The following DHRS4L2 variants were observed in gnomAD, a reference collection of about 807,000 sequenced individuals.
DHRS4L2 encodes dehydrogenase/reductase 4 like 2.
DHRS4L2 carries 22 observed loss-of-function variants against 23.9 expected under a neutral mutation model. The ratio of observed to expected loss-of-function variants is 0.92; its 90% confidence interval spans 0.66 to 1.31. The LOEUF is 1.31. Ranked by LOEUF, DHRS4L2 falls within the 40% of genes most tolerant of loss-of-function variation. DHRS4L2 has a pLI of 0.00. For missense variants in DHRS4L2, 385 were observed against 303.3 expected (o/e 1.27, Z -2.00); for synonymous variants, 141 against 123.7 (o/e 1.14, Z -0.93).
intron 1 of DHRS4L2, among the ~76,000 whole-genome samples, chr14:23,973,375 C>G (rs769344634): frequency 6.6e-6 from 1 of 151,916 alleles, no homozygotes; most frequent in Non-Finnish European, 1.5e-5. Context: ...TCCCTCCACA[C>G]CTCCCTGCAA....
chr14:23,985,282 A>G (rs1042954811), upstream of DHRS4L2, among the ~76,000 whole-genome samples: 2 of 151,678 alleles, frequency 1.3e-5, no homozygotes, highest in Non-Finnish European at 2.9e-5. Flanking sequence ...ATTTCACCAG[A>G]TTAAAAATAT....
chr14:23,971,404 T>C (rs978137887), intron 1 of DHRS4L2, among the ~76,000 whole-genome samples: 5 of 151,808 alleles, frequency 3.3e-5, no homozygotes, highest in African/African-American at 1.2e-4. Flanking sequence ...AGGATATCAG[T>C]GATTGAAGAT....
At chr14:23,999,354 A>C (rs1444254792) in intron 3 of DHRS4L2, among the ~76,000 whole-genome samples, 1 of 116,778 alleles carries the variant, frequency 8.6e-6, no homozygotes, top group East Asian at 2.5e-4. Flanking sequence ...TAAAAAAAAA[A>C]AAAAAAAAAA....
At chr14:23,972,273 G>A (rs1354828685) in intron 1 of DHRS4L2, among the ~76,000 whole-genome samples, 4 of 152,040 alleles carry the variant, frequency 2.6e-5, no homozygotes, top group African/African-American at 9.7e-5. Context: ...TCCTTCTGGT[G>A]GGTTCGTGGT....
At chr14:23,993,681 T>G (rs1219908018) in intron 2 of DHRS4L2, among the ~76,000 whole-genome samples, 1 of 151,746 alleles carries the variant, frequency 6.6e-6, no homozygotes, top group African/African-American at 2.4e-5. Flanking sequence ...GTTGCCTTTC[T>G]TCGCTTTCTC....
At chr14:23,975,094 G>A (rs1057440246) in intron 1 of DHRS4L2, among the ~76,000 whole-genome samples, 21 of 151,800 alleles carry the variant, frequency 1.4e-4, no homozygotes, top group African/African-American at 4.8e-4. Context: ...GGGCAATCAG[G>A]CAAGAGGAAG....
rs1294300461 is a variant in DHRS4L2, at chr14:23,990,360, G to T, written c.306+1G>T. On this transcript the variant is annotated splice_donor_variant, in intron 2 of 7. Coordinates refer to ENST00000335125, the MANE Select transcript of DHRS4L2 (RefSeq NM_198083.4). LOFTEE classifies it high-confidence loss of function. ...GGACCGGGAGCGGCTGGTGGCCATG[G>T]TGAGCTGCAGGGAAATGGGCACAGA... 6 of 1,609,016 alleles carry T rather than the reference G, an allele frequency of 3.7e-6. No individual in the cohort carries two copies. In the South Asian group the frequency reaches 6.6e-5, roughly 18 times the overall value.
At position 23,995,101 on chromosome 14, in the gene DHRS4L2, C is replaced by G; in HGVS notation, c.376C>G (p.Leu126Val). The G allele has an allele frequency of 6.3e-7, 1 of 1,598,360 alleles. No homozygotes were observed. The change falls in exon 3 of 8, where the codon CTA (leucine) becomes GTA (valine). Residue 126 changes from leucine (L) to valine (V), a missense_variant. Transcript: ENST00000335125. ...TGCTGTCAACCCTTTCTTTGGAAGC[C>G]TAATGGATGTCACCGAGGAGGTGTG... ...NAAVNPFFGSLMDVTEEVWDK... is the reference protein window; with the variant it reads ...NAAVNPFFGSVMDVTEEVWDK...
At chr14:23,982,420 T>C (rs1025495479) in intron 1 of DHRS4L2, among the ~76,000 whole-genome samples, 2 of 151,634 alleles carry the variant, frequency 1.3e-5, no homozygotes, top group Non-Finnish European at 2.9e-5. Context: ...CAGGTCAAAA[T>C]GGAGTTTCTT....
At chr14:23,987,241 C>G (rs1259070263), upstream of DHRS4L2, 1 of 344,016 alleles carries the variant, frequency 2.9e-6, no homozygotes, top group Non-Finnish European at 5.8e-6. Flanking sequence ...TGCCATTCCC[C>G]TGCCTCAGCC....
At chr14:23,991,526 G>C (rs925116661) in intron 2 of DHRS4L2, among the ~76,000 whole-genome samples, 1 of 151,742 alleles carries the variant, frequency 6.6e-6, no homozygotes, top group African/African-American at 2.4e-5. Context: ...TGGCCCAGAA[G>C]TGGTACTTGA....
chr14:23,993,223 C>G (rs901774492), intron 2 of DHRS4L2, among the ~76,000 whole-genome samples: 1 of 151,658 alleles, frequency 6.6e-6, no homozygotes, highest in Non-Finnish European at 1.5e-5. Context: ...GTGAGACTTA[C>G]ACAGAGCCAA....
intron 1 of DHRS4L2, among the ~76,000 whole-genome samples, chr14:23,972,941 TA>T (rs2033892065): frequency 1.3e-5 from 2 of 151,540 alleles, no homozygotes; most frequent in African/African-American, 4.9e-5. Context: ...GTCGGTGGAG[TA>T]AAGAATAACA....
In DHRS4L2 at chr14:24,001,389, C is replaced by T. The variant is rs528051543; in HGVS notation, c.537C>T (p.Phe179=). 9.6e-5 allele frequency: 154 copies of T among 1,606,710 alleles called. 6 individuals carry two copies. The South Asian group carries it at 1.6e-3, about 17-fold the overall frequency. ...SIAAFSPSPG[F]SPYNVSKTAL... is the part of the protein sequence containing the mutation. ...ACATTCTCTTCTTTCTCCAGGGCTT[C>T]AGTCCTTACAATGTCAGTAAAACAG... The change falls in exon 6 of 8, where the codon TTC becomes TTT. Residue 179 remains phenylalanine (F), a synonymous_variant. Coordinates refer to ENST00000335125, the MANE Select transcript of DHRS4L2 (RefSeq NM_198083.4).
chr14:23,977,227 TC>T (rs1227671825), intron 1 of DHRS4L2, among the ~76,000 whole-genome samples: 1 of 151,916 alleles, frequency 6.6e-6, no homozygotes, highest in African/African-American at 2.4e-5. Flanking sequence ...TTTTCTGGGT[TC>T]TTTTTTAAGT....
chr14:23,982,261 C>A (rs2034068345), intron 1 of DHRS4L2, among the ~76,000 whole-genome samples: 2 of 151,664 alleles, frequency 1.3e-5, no homozygotes, highest in Admixed American at 1.3e-4. Context: ...AAGCATACTG[C>A]CTGTAAACAT....
intron 1 of DHRS4L2, among the ~76,000 whole-genome samples, chr14:23,982,379 G>T (rs1260353029): frequency 6.6e-6 from 1 of 151,630 alleles, no homozygotes. Context: ...CAGATTAACA[G>T]CATCTCAGGG....
upstream of DHRS4L2, among the ~76,000 whole-genome samples, chr14:23,984,150 A>G (rs1332085272): frequency 6.6e-6 from 1 of 151,694 alleles, no homozygotes; most frequent in African/African-American, 2.4e-5. Flanking sequence ...TGTGGAAACA[A>G]TTTTTAAAAG....
upstream of DHRS4L2, among the ~76,000 whole-genome samples, chr14:23,984,801 A>G (rs1422392892): frequency 3.0e-5 from 3 of 101,544 alleles, no homozygotes; most frequent in African/African-American, 9.8e-5. Context: ...GCAAGATGCC[A>G]TCTCAAAAAA....
Sources: allele counts gnomAD v4.1 joint callset (sites outside exome capture counted in the v4.1 genomes callset), GRCh38; gene constraint gnomAD v4.1.1; transcripts MANE v1.5; gene names NCBI Gene and HGNC (gene_info 2026-07-23, HGNC 2026-07-21).